The following UNC5C variants were observed in gnomAD, a reference collection of about 807,000 sequenced individuals.
The protein encoded by UNC5C is netrin receptor UNC5C.
A neutral mutation model predicts 99.8 loss-of-function variants in UNC5C; 47 were observed. The ratio of observed to expected loss-of-function variants is 0.47; its 90% CI spans 0.37 to 0.60. The LOEUF (loss-of-function observed/expected upper bound fraction) is 0.60. Ranked by LOEUF, UNC5C falls within the 20% of genes least tolerant of loss-of-function variation. The pLI is 0.00. For synonymous variants in UNC5C, 487 were observed against 452.2 expected, an observed-to-expected ratio of 1.08 and a Z score of -0.98; for missense variants, 1,062 against 1,165.9, an observed-to-expected ratio of 0.91 and a Z score of 1.30.
intron 1 of UNC5C, among the ~76,000 whole-genome samples, chr4:95,496,531 C>A (rs1721634933): frequency 6.6e-6 from 1 of 151,738 alleles, no homozygotes; most frequent in Non-Finnish European, 1.5e-5. Flanking sequence ...GTGCCACTAA[C>A]AAAAGAATCA....
chr4:95,518,210 G>T (rs1428694118), intron 1 of UNC5C, among the ~76,000 whole-genome samples: 2 of 152,130 alleles, frequency 1.3e-5, no homozygotes, highest in South Asian at 2.1e-4. Context: ...TGTCACTGGG[G>T]ATAGTGTCTG....
At chr4:95,525,596 T>TAAAAAAAAAAAAAAAAAAAA (rs574532435) in intron 1 of UNC5C, among the ~76,000 whole-genome samples, 8 of 102,160 alleles carry the variant, frequency 7.8e-5, no homozygotes, top group African/African-American at 1.2e-4. Flanking sequence ...GCCTATTTCT[T>TAAAAAAAAAAAAAAAAAAAA]AAAAAAAAAA....
intron 1 of UNC5C, among the ~76,000 whole-genome samples, chr4:95,448,797 G>A (rs1324772166): frequency 1.3e-5 from 2 of 152,098 alleles, no homozygotes; most frequent in East Asian, 1.9e-4. Context: ...ACTCTCTTTC[G>A]AGATAAACAT....
intron 11 of UNC5C, among the ~76,000 whole-genome samples, chr4:95,203,708 C>T (rs1017000645): frequency 6.6e-6 from 1 of 152,214 alleles, no homozygotes; most frequent in African/African-American, 2.4e-5. Flanking sequence ...AAGCGACCCA[C>T]TTGCCTTGGC....
intron 1 of UNC5C, among the ~76,000 whole-genome samples, chr4:95,442,514 T>C (rs1195351855): frequency 1.3e-5 from 2 of 151,822 alleles, no homozygotes; most frequent in Non-Finnish European, 2.9e-5. Context: ...GCCTGTTTTT[T>C]AGAGATGGAG....
At chr4:95,400,384 CTTTTTTTTTTTT>C (rs1171870515) in intron 1 of UNC5C, among the ~76,000 whole-genome samples, 3 of 65,792 alleles carry the variant, frequency 4.6e-5, no homozygotes, top group African/African-American at 1.2e-4. Flanking sequence ...GAGATGAATT[CTTTTTTTTTTTT>C]TTTTTTTTTT....
At chr4:95,218,235 C>T (rs1439565611) in intron 9 of UNC5C, among the ~76,000 whole-genome samples, 1 of 152,122 alleles carries the variant, frequency 6.6e-6, no homozygotes, top group Non-Finnish European at 1.5e-5. Flanking sequence ...CTTTTATGAC[C>T]CATGGTTCCA....
At chr4:95,222,488 T>C (rs1275865773) in intron 7 of UNC5C, among the ~76,000 whole-genome samples, 8 of 152,120 alleles carry the variant, frequency 5.3e-5, no homozygotes, top group Non-Finnish European at 1.2e-4. Context: ...CAAAAACTGG[T>C]CTCGAGTCAC....
chr4:95,424,154 A>T (rs1334976906), intron 1 of UNC5C, among the ~76,000 whole-genome samples: 1 of 152,166 alleles, frequency 6.6e-6, no homozygotes, highest in Non-Finnish European at 1.5e-5. Flanking sequence ...AGTAAATCAT[A>T]TTGAATGTTG....
chr4:95,395,990 A>G (rs1310287691), intron 1 of UNC5C, among the ~76,000 whole-genome samples: 3 of 152,204 alleles, frequency 2.0e-5, no homozygotes, highest in African/African-American at 7.2e-5. Context: ...GCTTCATCAT[A>G]AGGAAACTTC....
intron 3 of UNC5C, among the ~76,000 whole-genome samples, chr4:95,296,970 C>T (rs1246434841): frequency 6.6e-6 from 1 of 152,194 alleles, no homozygotes; most frequent in African/African-American, 2.4e-5. Flanking sequence ...AAAGTCTCAG[C>T]TTCTCTCTCC....
At position 95,548,929 on chromosome 4, in the gene UNC5C, G is replaced by A; in HGVS notation, c.-72C>T. 6.4e-7 allele frequency: 1 copy of A among 1,573,100 alleles called. No homozygotes were observed. The highest frequency in any genetic ancestry group is 8.7e-7 in the Non-Finnish European group (1 of 1,152,596). Reference sequence around the variant, plus strand: ...CGCAAACAGCTGAAAGCCCCACTGGGCAGAAGCTGAATCCGTGCACCGCGA... The same window carrying A: ...CGCAAACAGCTGAAAGCCCCACTGGACAGAAGCTGAATCCGTGCACCGCGA... On this transcript the variant is annotated 5_prime_UTR_variant, in exon 1 of 16. Transcript: ENST00000453304.
intron 3 of UNC5C, among the ~76,000 whole-genome samples, chr4:95,279,378 T>A (rs1740972592): frequency 6.6e-6 from 1 of 152,184 alleles, no homozygotes; most frequent in African/African-American, 2.4e-5. Context: ...TTACAAACTG[T>A]TGTTAGATGG....
At chr4:95,177,881 T>A (rs1736436420) in intron 14 of UNC5C, among the ~76,000 whole-genome samples, 1 of 151,638 alleles carries the variant, frequency 6.6e-6, no homozygotes, top group Non-Finnish European at 1.5e-5. Flanking sequence ...TGCCTTTTTT[T>A]TTTTTAAGAG....
At chr4:95,213,159 G>A (rs1738133199) in intron 10 of UNC5C, among the ~76,000 whole-genome samples, 1 of 152,230 alleles carries the variant, frequency 6.6e-6, no homozygotes, top group Non-Finnish European at 1.5e-5. Flanking sequence ...TTTCTAAATT[G>A]ATTTCTTCAC....
intron 4 of UNC5C, among the ~76,000 whole-genome samples, chr4:95,260,016 T>A (rs1740161274): frequency 6.6e-6 from 1 of 152,120 alleles, no homozygotes; most frequent in South Asian, 2.1e-4. Flanking sequence ...CCCTAAGAGA[T>A]GGAATTTTCT....
intron 2 of UNC5C, among the ~76,000 whole-genome samples, chr4:95,334,091 C>T (rs977338208): frequency 5.9e-5 from 9 of 151,966 alleles, no homozygotes; most frequent in East Asian, 3.9e-4. Context: ...AGAGTTGCCA[C>T]CTGATTTTCC....
intron 3 of UNC5C, among the ~76,000 whole-genome samples, chr4:95,293,187 T>G (rs1741543762): frequency 6.6e-6 from 1 of 151,908 alleles, no homozygotes; most frequent in Non-Finnish European, 1.5e-5. Flanking sequence ...ATGAATCTAT[T>G]GCATTCTGGA....
intron 2 of UNC5C, among the ~76,000 whole-genome samples, chr4:95,333,037 G>A (rs1445084668): frequency 6.6e-6 from 1 of 152,160 alleles, no homozygotes; most frequent in Admixed American, 6.6e-5. Context: ...TCCCACACCA[G>A]TTAGAATGGC....
Sources: allele counts gnomAD v4.1 joint callset (sites outside exome capture counted in the v4.1 genomes callset), GRCh38; gene constraint gnomAD v4.1.1; transcripts MANE v1.5; gene names NCBI Gene and HGNC (gene_info 2026-07-23, HGNC 2026-07-21).